LMBR1: variants seen among roughly 807,000 people sequenced by gnomAD.
LMBR1 encodes the protein limb region 1 protein homolog.
LMBR1 carries 52 observed loss-of-function variants against 73.9 expected under a neutral mutation model. That is an observed-to-expected ratio of 0.70 (90% CI 0.56 to 0.89). The LOEUF (loss-of-function observed/expected upper bound fraction) is 0.89, where lower values mean the gene tolerates loss of function less well. Ranked by LOEUF, LMBR1 falls within the 40% of genes least tolerant of loss-of-function variation. LMBR1 has a pLI of 0.00. For synonymous variants in LMBR1, 215 were observed against 209.4 expected (o/e 1.03, Z -0.23); for missense variants, 539 against 579.8 (o/e 0.93, Z 0.72).
intron 15 of LMBR1, among the ~76,000 whole-genome samples, chr7:156,699,598 C>T (rs1353203972): frequency 3.3e-5 from 5 of 151,718 alleles, no homozygotes; most frequent in Admixed American, 2.0e-4. Context: ...CAAAAGAAAC[C>T]ACCATCAGAG....
At chr7:156,698,647 A>T (rs899735640) in intron 15 of LMBR1, among the ~76,000 whole-genome samples, 25 of 152,192 alleles carry the variant, frequency 1.6e-4, no homozygotes, top group African/African-American at 5.8e-4. Flanking sequence ...TCACGGCTGG[A>T]GCAGCTGGGA....
In LMBR1 at chr7:156,680,871, A is replaced by C. The variant is rs116521088; in HGVS notation, c.*3207T>G. The stretch of plus-strand genomic sequence containing the variant: ...CCCCACATATAAATGCTTATAAACC[A>C]AATATGAAATCACTTTTTGTACAAC... On this transcript the variant is annotated 3_prime_UTR_variant, in exon 17 of 17. Transcript: ENST00000353442. The C allele has an allele frequency of 2.1e-3, 510 of 238,088 alleles. 1 individual carries two copies. The highest frequency in any genetic ancestry group is 0.011 in the African/African-American group (473 of 42,204). 14.7% of individuals were successfully genotyped at this position (238,088 alleles called of 1,614,324 possible).
intron 15 of LMBR1, among the ~76,000 whole-genome samples, chr7:156,707,935 ACCTAATGGATCCCC>A (rs887426168): frequency 6.6e-6 from 1 of 151,846 alleles, no homozygotes; most frequent in African/African-American, 2.4e-5. Flanking sequence ...CTCTAGAAAA[ACCTAATGGATCCCC>A]CCACAAAAAA....
At chr7:156,846,655 C>T (rs1795515740) in intron 1 of LMBR1, among the ~76,000 whole-genome samples, 1 of 152,086 alleles carries the variant, frequency 6.6e-6, no homozygotes, top group Non-Finnish European at 1.5e-5. Flanking sequence ...ATTACAATCC[C>T]AGCAAGTTAT....
chr7:156,805,162 G>A (rs1337902617), intron 4 of LMBR1, among the ~76,000 whole-genome samples: 3 of 151,204 alleles, frequency 2.0e-5, no homozygotes, highest in South Asian at 2.1e-4. Flanking sequence ...ATCTAATCCT[G>A]GACAGTCTAT....
intron 4 of LMBR1, among the ~76,000 whole-genome samples, chr7:156,804,229 G>A (rs372119098): frequency 6.6e-6 from 1 of 152,132 alleles, no homozygotes; most frequent in African/African-American, 2.4e-5. Context: ...TTTTTGTCTG[G>A]CTTCTGTTAT....
rs1202308605 is a variant in LMBR1, at chr7:156,762,163, CTG to C, written c.653_654del (p.Thr218SerfsTer13). ...CTPVGLSRMF[T>X]VMGQLLVKPT... Reference sequence around the variant, plus strand: ...GGCTTCACTAGCAACTGACCCATCACTGTGAACATACGAGAAAGGCCAACTGG... The same window carrying C: ...GGCTTCACTAGCAACTGACCCATCACTGAACATACGAGAAAGGCCAACTGG... On this transcript the variant is annotated frameshift_variant, in exon 8 of 17. Coordinates refer to ENST00000353442, the MANE Select transcript of LMBR1 (RefSeq NM_022458.4). LOFTEE classifies it high-confidence loss of function. 2 of 1,611,426 alleles carry C rather than the reference CTG, an allele frequency of 1.2e-6. No individual in the cohort carries two copies. The highest frequency in any genetic ancestry group is 1.7e-6 in the Non-Finnish European group (2 of 1,177,716).
At chr7:156,785,324 GT>G (rs951426162) in intron 5 of LMBR1, among the ~76,000 whole-genome samples, 2 of 152,006 alleles carry the variant, frequency 1.3e-5, no homozygotes, top group African/African-American at 4.8e-5. Flanking sequence ...ATGATTTGGG[GT>G]TAACTGGAGT....
downstream of LMBR1, among the ~76,000 whole-genome samples, chr7:156,673,775 G>A (rs183223490): frequency 8.0e-4 from 122 of 152,188 alleles, no homozygotes; most frequent in African/African-American, 2.9e-3. Context: ...CACAGCACTC[G>A]ACCCTGCGCT....
At chr7:156,704,876 T>G (rs1196321951) in intron 15 of LMBR1, among the ~76,000 whole-genome samples, 1 of 151,250 alleles carries the variant, frequency 6.6e-6, no homozygotes, top group Non-Finnish European at 1.5e-5. Flanking sequence ...GAAAGACAGG[T>G]CTTTTGAAAT....
At chr7:156,736,347 G>C (rs16898884) in intron 9 of LMBR1, 18,544 of 303,406 alleles carry the variant, frequency 0.061, 708 homozygotes, top group East Asian at 0.14. Flanking sequence ...TTTACACTTA[G>C]TAAAATATAG....
intron 1 of LMBR1, among the ~76,000 whole-genome samples, chr7:156,858,420 C>T (rs1185080298): frequency 2.0e-5 from 3 of 152,106 alleles, no homozygotes; most frequent in African/African-American, 4.8e-5. Context: ...TTAAAGAAAC[C>T]GAATCAACAA....
chr7:156,806,749 C>T (rs1344459311), intron 4 of LMBR1, among the ~76,000 whole-genome samples: 1 of 151,798 alleles, frequency 6.6e-6, no homozygotes, highest in Non-Finnish European at 1.5e-5. Context: ...ATAGCTGGGA[C>T]TACAGGTGCA....
intron 9 of LMBR1, among the ~76,000 whole-genome samples, chr7:156,741,867 G>T (rs901574735): frequency 2.0e-5 from 3 of 152,052 alleles, no homozygotes; most frequent in African/African-American, 7.2e-5. Flanking sequence ...TCAGCACAAG[G>T]ATCATTCTCA....
intron 8 of LMBR1, among the ~76,000 whole-genome samples, chr7:156,760,591 A>G (rs1193724699): frequency 6.6e-6 from 1 of 152,226 alleles, no homozygotes; most frequent in East Asian, 1.9e-4. Flanking sequence ...AAATGTAGGA[A>G]GAAACTAAAT....
At position 156,728,712 on chromosome 7, in the gene LMBR1, T is replaced by A. The variant is rs1161089398; in HGVS notation, c.847A>T (p.Lys283Ter). 3 of 1,599,758 alleles carry A rather than the reference T, an allele frequency of 1.9e-6. No individual in the cohort carries two copies. The East Asian group carries it at 6.7e-5, about 36-fold the overall frequency. ...KTLKTKLERR[K>*]KASAWERNLV... ...TTTCTTTCCCATGCTGAAGCCTTTT[T>A]TCGCCTCTCTATTAAAAGGAAAAAC... Residue 283 changes from lysine to a stop codon, truncating the protein, a stop_gained, in exon 11 of 17, where the codon AAA (lysine) becomes TAA (stop). Coordinates refer to ENST00000353442, the MANE Select transcript of LMBR1 (RefSeq NM_022458.4). LOFTEE classifies it high-confidence loss of function.
At chr7:156,795,395 C>G (rs773394621) in intron 5 of LMBR1, among the ~76,000 whole-genome samples, 38 of 152,138 alleles carry the variant, frequency 2.5e-4, no homozygotes, top group Non-Finnish European at 4.7e-4. Flanking sequence ...CCAGCAAGCT[C>G]CTATAAAGAG....
chr7:156,701,907 C>T (rs748494778), intron 15 of LMBR1, among the ~76,000 whole-genome samples: 3 of 152,186 alleles, frequency 2.0e-5, no homozygotes, highest in African/African-American at 7.2e-5. Context: ...TGTTAGTTTG[C>T]TGAGGATAAT....
At chr7:156,732,808 G>GT (rs1441043154) in intron 10 of LMBR1, among the ~76,000 whole-genome samples, 1 of 152,156 alleles carries the variant, frequency 6.6e-6, no homozygotes, top group African/African-American at 2.4e-5. Flanking sequence ...CTGTTTCCAA[G>GT]TAACTTAACT....
Sources: allele counts gnomAD v4.1 joint callset (sites outside exome capture counted in the v4.1 genomes callset), GRCh38; gene constraint gnomAD v4.1.1; transcripts MANE v1.5; gene names NCBI Gene and HGNC (gene_info 2026-07-23, HGNC 2026-07-21).